Variants in BMP7 observed in about 807,000 individuals in gnomAD.
The protein encoded by BMP7 is bone morphogenetic protein 7.
BMP7 carries 12 observed loss-of-function variants against 41.2 expected under a neutral mutation model. The observed-to-expected ratio is 0.29, with a 90% confidence interval of 0.19 to 0.47. BMP7 has a LOEUF of 0.47. Among genes scored for constraint, BMP7 ranks in the 20% least tolerant of loss-of-function variants. The pLI is 0.99. For synonymous variants in BMP7, 248 were observed against 250.0 expected (o/e 0.99, Z 0.07); for missense variants, 467 against 606.0 (o/e 0.77, Z 2.41).
chr20:57,258,207 G>T (rs2066141256), intron 1 of BMP7, among the ~76,000 whole-genome samples: 1 of 152,206 alleles, frequency 6.6e-6, no homozygotes, highest in African/African-American at 2.4e-5. Context: ...ACAGTATAAA[G>T]AGCTGAAGGG....
chr20:57,177,590 C>G (rs2123060582), intron 4 of BMP7: 1 of 152,322 alleles, frequency 6.6e-6, no homozygotes, highest in Middle Eastern at 3.4e-3. Context: ...TCAGGTAATC[C>G]ACCCGCCTTG....
intron 3 of BMP7, among the ~76,000 whole-genome samples, chr20:57,197,377 G>A (rs1403978649): frequency 6.6e-6 from 1 of 152,138 alleles, no homozygotes; most frequent in Non-Finnish European, 1.5e-5. Flanking sequence ...TAACATGTTA[G>A]AGGGTCCTGG....
intron 3 of BMP7, among the ~76,000 whole-genome samples, chr20:57,188,619 C>T (rs990782496): frequency 1.1e-4 from 17 of 151,288 alleles, no homozygotes; most frequent in Non-Finnish European, 5.9e-5. Flanking sequence ...AATTAGATCT[C>T]ACATTTTTTA....
At chr20:57,237,936 C>G (rs897252243) in intron 1 of BMP7, among the ~76,000 whole-genome samples, 2 of 152,194 alleles carry the variant, frequency 1.3e-5, no homozygotes, top group African/African-American at 4.8e-5. Context: ...TTTTTTAAAA[C>G]TTTTATTTTT....
chr20:57,237,302 G>A (rs1354217058), intron 1 of BMP7, among the ~76,000 whole-genome samples: 1 of 152,192 alleles, frequency 6.6e-6, no homozygotes, highest in African/African-American at 2.4e-5. Flanking sequence ...CCCGAGGACT[G>A]CTCAGGGCCC....
chr20:57,175,786 C>T (rs544236982), intron 4 of BMP7, among the ~76,000 whole-genome samples: 3 of 152,296 alleles, frequency 2.0e-5, no homozygotes, highest in East Asian at 3.9e-4. Context: ...CTACAACTTC[C>T]CAGGGGCTCT....
chr20:57,203,594 T>G (rs1984671322), intron 2 of BMP7, among the ~76,000 whole-genome samples: 1 of 152,090 alleles, frequency 6.6e-6, no homozygotes, highest in African/African-American at 2.4e-5. Flanking sequence ...AATAAGAGGG[T>G]AAATAAGTGG....
chr20:57,228,505 T>A lies in BMP7; in HGVS notation c.419-84A>T. ...TCTCTGGCTCTGAGTCCAAGCATCTTGCCTAAGCTAGATGGAGGCATGCCC... is the reference window on the plus strand; with the variant it reads ...TCTCTGGCTCTGAGTCCAAGCATCTAGCCTAAGCTAGATGGAGGCATGCCC... On this transcript the variant is annotated intron_variant, in intron 1 of 6. Coordinates refer to ENST00000395863, the MANE Select transcript of BMP7 (RefSeq NM_001719.3). The surrounding 1 kb of genome is among the most constrained non-coding windows in gnomAD (Gnocchi z 4.5). 1 of 1,508,330 alleles carries A rather than the reference T, an allele frequency of 6.6e-7. No individual in the cohort carries two copies. Among genetic ancestry groups the A allele is most frequent in the Non-Finnish European group, 9.2e-7 (1 of 1,084,726 alleles). 93.4% of individuals were successfully genotyped at this position (1,508,330 alleles called of 1,614,324 possible). A position where few individuals can be genotyped will look rare whatever the true frequency, so the allele number is the denominator to read the frequency against.
chr20:57,222,007 T>C (rs1166741690), intron 2 of BMP7, among the ~76,000 whole-genome samples: 3 of 152,134 alleles, frequency 2.0e-5, no homozygotes, highest in Non-Finnish European at 4.4e-5. Context: ...GATCGCATTG[T>C]GGACCCAGCT....
chr20:57,250,631 T>C (rs2066108559), intron 1 of BMP7, among the ~76,000 whole-genome samples: 1 of 151,250 alleles, frequency 6.6e-6, no homozygotes, highest in Non-Finnish European at 1.5e-5. Flanking sequence ...ACATGAATGG[T>C]GTTCAAAGAA....
chr20:57,191,288 G>A (rs1253837875), intron 3 of BMP7, among the ~76,000 whole-genome samples: 1 of 152,238 alleles, frequency 6.6e-6, no homozygotes, highest in South Asian at 2.1e-4. Context: ...TGTGCTCTGG[G>A]GTGCTCCAGA....
chr20:57,207,259 C>A (rs894909399), intron 2 of BMP7, among the ~76,000 whole-genome samples: 6 of 152,272 alleles, frequency 3.9e-5, no homozygotes, highest in African/African-American at 1.4e-4. Flanking sequence ...GGGAAGGAGG[C>A]ACAGGTCATG....
intron 2 of BMP7, among the ~76,000 whole-genome samples, chr20:57,209,804 C>G (rs1263959074): frequency 6.6e-6 from 1 of 152,208 alleles, no homozygotes; most frequent in Non-Finnish European, 1.5e-5. Flanking sequence ...TTTTGCTTCC[C>G]TTTACAAGCT....
intron 2 of BMP7, among the ~76,000 whole-genome samples, chr20:57,219,699 G>A (rs1280791821): frequency 6.6e-6 from 1 of 152,176 alleles, no homozygotes; most frequent in Non-Finnish European, 1.5e-5. Context: ...TAGGATGAGG[G>A]TGCAACTTTG....
chr20:57,179,033 C>G (rs1285330850), intron 4 of BMP7, among the ~76,000 whole-genome samples: 1 of 152,214 alleles, frequency 6.6e-6, no homozygotes, highest in Non-Finnish European at 1.5e-5. Flanking sequence ...CAAGGCCAAA[C>G]AGACCAAGGC....
At chr20:57,236,571 G>A (rs1056771072) in intron 1 of BMP7, among the ~76,000 whole-genome samples, 9 of 152,134 alleles carry the variant, frequency 5.9e-5, no homozygotes, top group African/African-American at 1.9e-4. Context: ...GGGAGGGGGA[G>A]AACGATGCCA....
In BMP7 at chr20:57,214,569, C is replaced by T. The variant is rs1359116195; in HGVS notation, c.612-11946G>A. Among the ~76,000 whole-genome samples, 1 of 152,004 alleles carries T rather than the reference C, an allele frequency of 6.6e-6. No individual in the cohort carries two copies. Among genetic ancestry groups the T allele is most frequent in the African/African-American group, 2.4e-5 (1 of 41,376 alleles). On this transcript the variant is annotated intron_variant, in intron 2 of 6. Transcript: ENST00000395863. This position sits in a 1 kb window ranked among gnomAD's most constrained non-coding sequence, Gnocchi z 4.0. ...CAGCCCTCCTCATCTGTGCCAGTCT[C>T]CAGCCCACCACAGCCCCTCACACAT...
Position 57,214,046 on chromosome 20 carries a change from C to T in BMP7, c.612-11423G>A, listed in dbSNP as rs779359037. ...AGATCACAGCTGCAGTGAGCTGACC[C>T]CAACTCAAGATGGAACCATCTTAGA... On this transcript the variant is annotated intron_variant, in intron 2 of 6. Transcript: ENST00000395863. This position sits in a 1 kb window ranked among gnomAD's most constrained non-coding sequence, Gnocchi z 4.0. Among the ~76,000 whole-genome samples, 3 of 152,184 alleles carry T rather than the reference C, an allele frequency of 2.0e-5. No homozygotes were observed. The highest frequency in any genetic ancestry group is 2.9e-5 in the Non-Finnish European group (2 of 68,024).
At chr20:57,263,821 C>T (rs1600649753) in intron 1 of BMP7, among the ~76,000 whole-genome samples, 1 of 152,208 alleles carries the variant, frequency 6.6e-6, no homozygotes, top group East Asian at 1.9e-4. Flanking sequence ...AAAAAAATCA[C>T]AAATACAGAA....
Sources: gnomAD v4.1 joint callset for allele counts (sites outside exome capture counted in the v4.1 genomes callset) on GRCh38, gnomAD v4.1.1 for gene constraint, Gnocchi (gnomAD v3.1) non-coding constraint, MANE v1.5 for transcripts, NCBI Gene and HGNC (gene_info 2026-07-23, HGNC 2026-07-21) for gene names.